EGFLAM: variants seen among roughly 807,000 people sequenced by gnomAD.
EGFLAM encodes the protein pikachurin.
Under a neutral mutation model 113.1 loss-of-function variants are expected in EGFLAM, and 79 were observed. The ratio of observed to expected loss-of-function variants is 0.70; its 90% CI spans 0.58 to 0.84. EGFLAM has a LOEUF of 0.84. Ranked by LOEUF, EGFLAM falls within the 40% of genes least tolerant of loss-of-function variation. The pLI, the probability that EGFLAM is intolerant of heterozygous loss-of-function variation, is 0.00. For synonymous variants in EGFLAM, 504 were observed against 487.6 expected (o/e 1.03, Z -0.44); for missense variants, 1,265 against 1,291.6 (o/e 0.98, Z 0.32).
intron 1 of EGFLAM, among the ~76,000 whole-genome samples, chr5:38,268,640 A>G (rs1417956106): frequency 1.3e-5 from 2 of 152,192 alleles, no homozygotes; most frequent in East Asian, 3.9e-4. Flanking sequence ...GATATTTTAT[A>G]CGTGGCAGAA....
chr5:38,313,381 A>T (rs1027841837), intron 1 of EGFLAM, among the ~76,000 whole-genome samples: 3 of 152,344 alleles, frequency 2.0e-5, no homozygotes, highest in South Asian at 4.1e-4. Context: ...ATCAAGTACA[A>T]ATATGTTATC....
chr5:38,361,912 T>C (rs1256661824), intron 5 of EGFLAM, among the ~76,000 whole-genome samples: 2 of 152,156 alleles, frequency 1.3e-5, no homozygotes, highest in Admixed American at 1.3e-4. Context: ...TTTTTGATTT[T>C]TTTTTTTTTA....
intron 6 of EGFLAM, chr5:38,404,006 C>T (rs1182106396): frequency 1.9e-6 from 3 of 1,590,754 alleles, no homozygotes; most frequent in Non-Finnish European, 1.7e-6. Flanking sequence ...TGTTATCCCA[C>T]CTCCACCAAG....
At chr5:38,353,956 G>C (rs1433142242) in intron 5 of EGFLAM, among the ~76,000 whole-genome samples, 1 of 152,122 alleles carries the variant, frequency 6.6e-6, no homozygotes, top group Non-Finnish European at 1.5e-5. Flanking sequence ...TCCATCCTTT[G>C]CACAAGTCAC....
At chr5:38,463,082 C>T (rs1743345243) in intron 21 of EGFLAM, 71 bp downstream of exon 21, 6 of 1,468,396 alleles carry the variant, frequency 4.1e-6, no homozygotes, top group Non-Finnish European at 5.6e-6. Context: ...ATTTGCTGTG[C>T]CGAGGCTATG....
chr5:38,318,362 A>G (rs923852109), intron 1 of EGFLAM, among the ~76,000 whole-genome samples: 2 of 151,306 alleles, frequency 1.3e-5, no homozygotes, highest in Non-Finnish European at 2.9e-5. Context: ...ATAGTATACT[A>G]TACTAACTAT....
intron 1 of EGFLAM, among the ~76,000 whole-genome samples, chr5:38,322,919 A>G (rs1010956001): frequency 2.0e-5 from 3 of 152,148 alleles, no homozygotes; most frequent in Non-Finnish European, 4.4e-5. Context: ...TGTGTCTTAA[A>G]CCCACATTTT....
chr5:38,317,465 T>C (rs530541445), intron 1 of EGFLAM, among the ~76,000 whole-genome samples: 1 of 152,166 alleles, frequency 6.6e-6, no homozygotes, highest in Non-Finnish European at 1.5e-5. Flanking sequence ...TTGTGCCCTG[T>C]AGGTCTGGGG....
chr5:38,405,602 GTTGT>G (rs1741259539), intron 6 of EGFLAM, among the ~76,000 whole-genome samples: 1 of 152,056 alleles, frequency 6.6e-6, no homozygotes, highest in African/African-American at 2.4e-5. Context: ...CATTTGGGAT[GTTGT>G]TTGTTCTTAT....
chr5:38,417,167 C>A (rs866826057), intron 11 of EGFLAM, among the ~76,000 whole-genome samples: 1 of 151,916 alleles, frequency 6.6e-6, no homozygotes, highest in South Asian at 2.1e-4. Context: ...GCCTGACCAA[C>A]GTGGTGAAAC....
intron 1 of EGFLAM, among the ~76,000 whole-genome samples, chr5:38,266,130 A>G (rs1190315415): frequency 2.0e-5 from 3 of 152,194 alleles, no homozygotes; most frequent in East Asian, 1.9e-4. Flanking sequence ...GCTGTTCTCT[A>G]TATAACCAAC....
chr5:38,265,093 T>C (rs1405521361), intron 1 of EGFLAM, among the ~76,000 whole-genome samples: 1 of 152,186 alleles, frequency 6.6e-6, no homozygotes. Flanking sequence ...GCAAGACTTG[T>C]TTTTCCGAAT....
At chr5:38,298,648 C>G (rs562408559) in intron 1 of EGFLAM, among the ~76,000 whole-genome samples, 5 of 152,288 alleles carry the variant, frequency 3.3e-5, no homozygotes, top group African/African-American at 1.2e-4. Flanking sequence ...CAAACATTAG[C>G]TAAGATTGTG....
rs141954605 is a variant in EGFLAM at position 38,399,204 on chromosome 5, A to C, written c.713-6922A>C. ...ACTATGCTAGGTGGAGAGGGAAGGT[A>C]GGAAGAACTGAATTAATTCATTCCA... is the stretch of plus-strand genomic sequence containing the variant. On this transcript the variant is annotated intron_variant, in intron 6 of 21. Transcript: ENST00000322350. Among the ~76,000 whole-genome samples, 559 of 152,026 alleles carry C rather than the reference A, an allele frequency of 3.7e-3. 1 individual carries two copies. The highest frequency in any genetic ancestry group is 0.013 in the African/African-American group (529 of 41,488).
intron 1 of EGFLAM, among the ~76,000 whole-genome samples, chr5:38,299,183 C>G (rs13355521): frequency 0.04 from 6,109 of 152,180 alleles, 421 homozygotes; most frequent in African/African-American, 0.14. Context: ...TGCTGCCCCT[C>G]GGCTATGGCT....
At chr5:38,408,585 T>C (rs1250527727) in intron 9 of EGFLAM, among the ~76,000 whole-genome samples, 1 of 152,124 alleles carries the variant, frequency 6.6e-6, no homozygotes, top group Non-Finnish European at 1.5e-5. Context: ...GTTCTCCTGA[T>C]AGAAGGAAAG....
chr5:38,309,861 C>T (rs1738379047), intron 1 of EGFLAM, among the ~76,000 whole-genome samples: 1 of 152,140 alleles, frequency 6.6e-6, no homozygotes, highest in African/African-American at 2.4e-5. Flanking sequence ...AGGCAAAATC[C>T]AACTTGCCTA....
chr5:38,374,240 A>G (rs1322396771), intron 6 of EGFLAM, among the ~76,000 whole-genome samples: 1 of 152,150 alleles, frequency 6.6e-6, no homozygotes, highest in African/African-American at 2.4e-5. Flanking sequence ...GACAGAGCCT[A>G]TTTATCAAGA....
At position 38,386,350 on chromosome 5, in the gene EGFLAM, C is replaced by T. The variant is rs1482109720; in HGVS notation, c.712+15888C>T. Among the ~76,000 whole-genome samples, 11 of 152,194 alleles carry T rather than the reference C, an allele frequency of 7.2e-5. No individual in the cohort carries two copies. The East Asian group carries it at 1.4e-3, about 19-fold the overall frequency. On this transcript the variant is annotated intron_variant, in intron 6 of 21. Coordinates refer to ENST00000322350, the MANE Select transcript of EGFLAM (RefSeq NM_152403.4). ...CTGGGATTACAGGTGCACACCACCA[C>T]GCCTGGCTAATTTTGTATTTTTAGT...
Sources: gnomAD v4.1 joint callset for allele counts (sites outside exome capture counted in the v4.1 genomes callset) on GRCh38, gnomAD v4.1.1 for gene constraint, MANE v1.5 for transcripts, NCBI Gene and HGNC (gene_info 2026-07-23, HGNC 2026-07-21) for gene names.